PRSS36: variants seen among roughly 807,000 people sequenced by gnomAD.
The protein encoded by PRSS36 is polyserase-2.
A neutral mutation model predicts 94.3 loss-of-function variants in PRSS36; 90 were observed. The observed-to-expected ratio is 0.95, with a 90% CI of 0.80 to 1.14. PRSS36 has a LOEUF of 1.14. Among genes scored for constraint, PRSS36 ranks in the 50% most tolerant of loss-of-function variants. The pLI is 0.00. For synonymous variants in PRSS36, 500 were observed against 489.6 expected, an observed-to-expected ratio of 1.02 and a Z score of -0.28; for missense variants, 1,158 against 1,135.0, an observed-to-expected ratio of 1.02 and a Z score of -0.29.
At chr16:31,139,883 A>AG (rs1454698705) in intron 14 of PRSS36, among the ~76,000 whole-genome samples, 4 of 139,022 alleles carry the variant, frequency 2.9e-5, no homozygotes, top group African/African-American at 1.1e-4. Context: ...CAGTCTCAAA[A>AG]AAAAAAAAAA....
In PRSS36 at chr16:31,141,598, C is replaced by A; in HGVS notation, c.1772G>T (p.Arg591Leu). 1 of 1,613,400 alleles carries A rather than the reference C, an allele frequency of 6.2e-7. No homozygotes were observed. The highest frequency in any genetic ancestry group is 1.1e-5 in the South Asian group (1 of 91,056). Residue 591 changes from arginine to leucine, a missense_variant, in exon 12 of 15, where the codon CGG becomes CTG. Arg to Leu is a moderately radical substitution (Grantham distance 102). Coordinates refer to ENST00000268281, the MANE Select transcript of PRSS36 (RefSeq NM_173502.5). ...PHTEHGACGL[R>L]LEAAPVGVLW... ...GACCCCCACTGGAGCAGCCTCCAGC[C>A]GCAGGCCACAGGCTAGGGAGAGGAG...
chr16:31,142,689 CCCTGCACCG>C lies in PRSS36; in HGVS notation c.1357+39_1358-46del, dbSNP rs752345409. The C allele has an allele frequency of 3.6e-5, 49 of 1,362,892 alleles. 1 individual carries two copies. In the South Asian group the frequency reaches 8.1e-4, roughly 23 times the overall value. The allele number at this position is 1,362,892 out of a possible 1,614,324, so 84.4% of individuals were successfully genotyped here. ...GAGCCCGCGCTGCGGCCCAGACGGC[CCCTGCACCG>C]CCCGGTGCCGCCCGGCCCAGCGCCG... On this transcript the variant is annotated intron_variant, in intron 9 of 14. Transcript: ENST00000268281.
At chr16:31,145,474 T>C (rs1300287842) in intron 6 of PRSS36, among the ~76,000 whole-genome samples, 2 of 151,140 alleles carry the variant, frequency 1.3e-5, no homozygotes, top group South Asian at 2.1e-4. Flanking sequence ...CGCAAGTGAA[T>C]GCAAAATTAG....
chr16:31,143,810 C>T lies in PRSS36; in HGVS notation c.748G>A (p.Glu250Lys). The T allele has an allele frequency of 6.2e-7, 1 of 1,613,812 alleles. No individual in the cohort carries two copies. The highest frequency in any genetic ancestry group is 1.7e-5 in the Admixed American group (1 of 60,032). The change falls in exon 7 of 15, where the codon GAG becomes AAG. Residue 250 changes from glutamate to lysine, a missense_variant. Glu to Lys is a moderately conservative substitution (Grantham distance 56). Coordinates refer to ENST00000268281, the MANE Select transcript of PRSS36 (RefSeq NM_173502.5). The stretch of plus-strand genomic sequence containing the variant: ...GCCTGGAACCAGCGGCCGCCTTCCT[C>T]ACAGACCAGGGGCCCCCCAGAGTCA... ...QGDSGGPLVCEEGGRWFQAGI... is the reference protein window; with the variant it reads ...QGDSGGPLVCKEGGRWFQAGI...
rs777249500 is a variant in PRSS36 at position 31,142,472 on chromosome 16, G to A, written c.1521+9C>T. 2.1e-6 allele frequency: 3 copies of A among 1,442,970 alleles called. No homozygotes were observed. The highest frequency in any genetic ancestry group is 2.7e-5 in the East Asian group (1 of 37,706). 89.4% of individuals were successfully genotyped at this position (1,442,970 alleles called of 1,614,324 possible). On this transcript the variant is annotated intron_variant, in intron 10 of 14. Coordinates refer to ENST00000268281, the MANE Select transcript of PRSS36 (RefSeq NM_173502.5). ...CCCGCGTTCCGCGGGCCCCGCCCCCGCCGCTTACCCAGCAGCTGCCCACCT... is the reference window on the plus strand; with the variant it reads ...CCCGCGTTCCGCGGGCCCCGCCCCCACCGCTTACCCAGCAGCTGCCCACCT...
chr16:31,148,581 C>A lies in PRSS36; in HGVS notation c.367G>T (p.Ala123Ser). Residue 123 changes from alanine to serine, a missense_variant, in exon 5 of 15, where the codon GCC becomes TCC. Physicochemically the swap from Ala to Ser is moderately conservative, Grantham distance 99 (BLOSUM62 1). Coordinates refer to ENST00000268281, the MANE Select transcript of PRSS36 (RefSeq NM_173502.5). ...PLDGAHTRAVAAIVVPANYSQ... is the reference protein window; with the variant it reads ...PLDGAHTRAVSAIVVPANYSQ... ...TAGTTGGCCGGCACCACGATGGCGGCCACTGCGCGGGTGTGCGCGCCGTCC... is the reference window on the plus strand; with the variant it reads ...TAGTTGGCCGGCACCACGATGGCGGACACTGCGCGGGTGTGCGCGCCGTCC... 6.2e-7 allele frequency: 1 copy of A among 1,609,938 alleles called. No homozygotes were observed. The highest frequency in any genetic ancestry group is 1.1e-5 in the South Asian group (1 of 90,910).
At position 31,148,624 on chromosome 16, in the gene PRSS36, G is replaced by C. The variant is rs1484549345; in HGVS notation, c.324C>G (p.His108Gln). 6.2e-7 allele frequency: 1 copy of C among 1,612,278 alleles called. No homozygotes were observed. The change falls in exon 5 of 15, where the codon CAC (histidine) becomes CAG (glutamine). Residue 108 changes from histidine (H) to glutamine (Q), a missense_variant. By Grantham distance (24) the His-to-Gln change is conservative. Transcript: ENST00000268281. ...AAEWSVLLGV[H>Q]SQDGPLDGAH... ...CGCCGTCCAGGGGCCCGTCCTGGGA[G>C]TGCACGCCCAGCAGTACCGACCACT...
In PRSS36 at chr16:31,139,335, C is replaced by T; in HGVS notation, c.2371G>A (p.Glu791Lys). 1.2e-6 allele frequency: 2 copies of T among 1,614,172 alleles called. No homozygotes were observed. The highest frequency in any genetic ancestry group is 1.7e-6 in the Non-Finnish European group (2 of 1,180,014). ...TCAGGACCAATGGCAGCAAACAGCT[C>T]CCGGCTCCCTTGAACAGCCATGCCC... is the stretch of plus-strand genomic sequence containing the variant. ...LVGMAVQGSR[E>K]LFAAIGPEEA... The change falls in exon 15 of 15, where the codon GAG becomes AAG. Residue 791 changes from glutamate to lysine, a missense_variant. Glu to Lys is a moderately conservative substitution (Grantham distance 56). Transcript: ENST00000268281.
At chr16:31,139,513 A>G (rs1439186540) in intron 14 of PRSS36, 97 bp from the exon 15 acceptor site, 4 of 1,375,022 alleles carry the variant, frequency 2.9e-6, no homozygotes, top group Admixed American at 2.2e-5. Context: ...TCTGGTCTGC[A>G]TCCCTAGACA....
In PRSS36 at chr16:31,148,394, C is replaced by T. The variant is rs201658822; in HGVS notation, c.553+1G>A. On this transcript the variant is annotated splice_donor_variant, in intron 5 of 14. Transcript: ENST00000268281. LOFTEE classifies it high-confidence loss of function. Reference sequence around the variant, plus strand: ...CTCCCCTCTTGTCCCGTCCCACTCACCTGCCTCCTGGACGTCTCCCCAGCC... The same window carrying T: ...CTCCCCTCTTGTCCCGTCCCACTCATCTGCCTCCTGGACGTCTCCCCAGCC... 4 of 1,562,706 alleles carry T rather than the reference C, an allele frequency of 2.6e-6. No individual in the cohort carries two copies. The highest frequency in any genetic ancestry group is 2.7e-5 in the African/African-American group (2 of 72,876).
rs35319087 is a variant in PRSS36 at position 31,141,773 on chromosome 16, T to A, written c.1709A>T (p.Asp570Val). Residue 570 changes from aspartate to valine, a missense_variant, in exon 11 of 15, where the codon GAT becomes GTT. By Grantham distance (152) the Asp-to-Val change is radical. Coordinates refer to ENST00000268281, the MANE Select transcript of PRSS36 (RefSeq NM_173502.5). The part of the protein sequence containing the change: ...EDQLAWDWGP[D>V]GEETETQTCP... ...AGTCTGTGTCTCAGTCTCCTCCCCA[T>A]CAGGGCCCCAATCCCAGGCTAGCTG... The A allele has an allele frequency of 9.3e-4, 1,499 of 1,614,072 alleles. 17 individuals are homozygous for A. In the African/African-American group the frequency reaches 0.018, roughly 19 times the overall value.
chr16:31,143,262 G>T, intron 8 of PRSS36, 80 bp downstream of exon 8: 1 of 1,514,956 alleles, frequency 6.6e-7, no homozygotes, highest in East Asian at 2.3e-5. Flanking sequence ...ACCCCCTGGG[G>T]AGGGGCTGGG....
chr16:31,143,344 C>A lies in PRSS36; in HGVS notation c.1098G>T (p.Leu366=). 6.3e-7 allele frequency: 1 copy of A among 1,597,074 alleles called. No individual in the cohort carries two copies. The highest frequency in any genetic ancestry group is 8.5e-7 in the Non-Finnish European group (1 of 1,172,424). The change falls in exon 8 of 15, where the codon CTG becomes CTT. Residue 366 remains leucine, a splice_region_variant and synonymous_variant. Transcript: ENST00000268281. The part of the protein sequence containing the change: ...SWVLAPASCF[L]DPNSSDSPPR... ...TTGAAACGTAGATTTTCACTCACTC[C>A]AGAAAGCAGCTGGCAGGTGCCAAGA... is the stretch of plus-strand genomic sequence containing the variant.
Position 31,140,514 on chromosome 16 carries a change from G to A in PRSS36, c.2145C>T (p.Gly715=). 1 of 1,578,508 alleles carries A rather than the reference G, an allele frequency of 6.3e-7. No individual in the cohort carries two copies. Among genetic ancestry groups the A allele is most frequent in the Non-Finnish European group, 8.6e-7 (1 of 1,161,566 alleles). ...IPPGASCWVL[G]WKEPQDRVPV... ...CACCTCGGTCCTGGGGTTCTTTCCAGCCCAACACCCAGCAGCTGGCCCCCG... is the reference window on the plus strand; with the variant it reads ...CACCTCGGTCCTGGGGTTCTTTCCAACCCAACACCCAGCAGCTGGCCCCCG... The change falls in exon 13 of 15, where the codon GGC becomes GGT. Residue 715 remains glycine, a synonymous_variant. Transcript: ENST00000268281.
intron 14 of PRSS36, among the ~76,000 whole-genome samples, chr16:31,139,934 C>CCTCT (rs1205109346): frequency 2.0e-5 from 3 of 149,748 alleles, no homozygotes; most frequent in Non-Finnish European, 4.4e-5. Context: ...GTGGCTCACA[C>CCTCT]CTCTAATCCC....
chr16:31,146,327 C>G (rs537001278), intron 5 of PRSS36, among the ~76,000 whole-genome samples: 186 of 152,268 alleles, frequency 1.2e-3, no homozygotes, highest in African/African-American at 4.2e-3. Context: ...CCTGAGTTGC[C>G]AAGCATGGAA....
chr16:31,147,126 TC>T (rs1414961795), intron 5 of PRSS36, among the ~76,000 whole-genome samples: 5 of 151,984 alleles, frequency 3.3e-5, no homozygotes, highest in Admixed American at 3.3e-4. Flanking sequence ...CTCAGTCTGA[TC>T]TTAAGGTCTT....
intron 6 of PRSS36, among the ~76,000 whole-genome samples, chr16:31,145,481 T>C (rs1437372694): frequency 6.6e-6 from 1 of 151,022 alleles, no homozygotes; most frequent in African/African-American, 2.4e-5. Context: ...GAATGCAAAA[T>C]TAGCAGTCTG....
rs950457684 is a variant in PRSS36, at chr16:31,142,858, C to G, written c.1236G>C (p.Ala412=). The G allele has an allele frequency of 2.6e-6, 4 of 1,557,960 alleles. No homozygotes were observed. The highest frequency in any genetic ancestry group is 3.5e-6 in the Non-Finnish European group (4 of 1,156,488). ...TCACGGGCGTGCGCAGCTGCAGCAG[C>G]GCCAGGTCCGAGGCGTTGTCCCACG... ...NASWDNASDL[A]LLQLRTPVNL... Residue 412 remains alanine, a synonymous_variant, in exon 9 of 15, where the codon GCG becomes GCC. Transcript: ENST00000268281.
Sources: gnomAD v4.1 joint callset for allele counts (sites outside exome capture counted in the v4.1 genomes callset) on GRCh38, gnomAD v4.1.1 for gene constraint, MANE v1.5 for transcripts, NCBI Gene and HGNC (gene_info 2026-07-23, HGNC 2026-07-21) for gene names.